The following TBC1D22A variants were observed in gnomAD, a reference collection of about 807,000 sequenced individuals.
TBC1D22A encodes the protein putative GTPase activator.
In TBC1D22A, 38 loss-of-function variants were observed where a neutral mutation model predicts 60.2. The observed-to-expected ratio is 0.63, with a 90% CI of 0.49 to 0.83. The LOEUF is 0.83. Ranked by LOEUF, TBC1D22A falls within the 40% of genes least tolerant of loss-of-function variation. The pLI is 0.00. For missense variants in TBC1D22A, 628 were observed against 701.0 expected, an observed-to-expected ratio of 0.90 and a Z score of 1.18; for synonymous variants, 302 against 281.7, an observed-to-expected ratio of 1.07 and a Z score of -0.72.
chr22:47,005,665 C>T (rs1457151456), intron 10 of TBC1D22A, among the ~76,000 whole-genome samples: 1 of 151,244 alleles, frequency 6.6e-6, no homozygotes, highest in Non-Finnish European at 1.5e-5. Context: ...CACACACACA[C>T]CCATATACAT....
chr22:47,130,947 C>T (rs1231487441), intron 12 of TBC1D22A, among the ~76,000 whole-genome samples: 1 of 152,222 alleles, frequency 6.6e-6, no homozygotes, highest in African/African-American at 2.4e-5. Flanking sequence ...ATGGCTGCAG[C>T]ATCTGCTCAG....
intron 12 of TBC1D22A, among the ~76,000 whole-genome samples, chr22:47,163,072 G>A (rs959928467): frequency 6.6e-6 from 1 of 152,242 alleles, no homozygotes; most frequent in Non-Finnish European, 1.5e-5. Context: ...TGGGCCAGGT[G>A]GGCACTGACC....
chr22:46,980,907 T>C (rs888311636), intron 9 of TBC1D22A, among the ~76,000 whole-genome samples: 2 of 152,192 alleles, frequency 1.3e-5, no homozygotes, highest in African/African-American at 4.8e-5. Context: ...AGTAGAATAA[T>C]GTGTCTCATG....
chr22:46,981,378 C>T (rs535452294), intron 9 of TBC1D22A, among the ~76,000 whole-genome samples: 111 of 151,070 alleles, frequency 7.3e-4, no homozygotes, highest in African/African-American at 2.6e-3. Context: ...GGGGTTTAGA[C>T]CCACACAGTC....
rs1458174889 is a variant in TBC1D22A at position 47,026,698 on chromosome 22, A to C, written c.1202-10373A>C. Reference sequence around the variant, plus strand: ...AATATTTAGGGAAAACACTATGATAAAATATGTAATAGGCCTGTACACTGA... The same window carrying C: ...AATATTTAGGGAAAACACTATGATACAATATGTAATAGGCCTGTACACTGA... On this transcript the variant is annotated intron_variant, in intron 10 of 12. Coordinates refer to ENST00000337137, the MANE Select transcript of TBC1D22A (RefSeq NM_014346.5). 2.0e-5 allele frequency among the ~76,000 whole-genome samples: 3 copies of C among 152,254 alleles called. No homozygotes were observed. The East Asian group carries it at 5.8e-4, about 29-fold the overall frequency.
At chr22:46,965,985 C>A (rs1387736834) in intron 8 of TBC1D22A, among the ~76,000 whole-genome samples, 1 of 152,178 alleles carries the variant, frequency 6.6e-6, no homozygotes, top group African/African-American at 2.4e-5. Context: ...GCTCCTCACA[C>A]CTCCCGCAGC....
chr22:46,780,810 C>T (rs801619), intron 1 of TBC1D22A, among the ~76,000 whole-genome samples: 7,152 of 152,270 alleles, frequency 0.047, 565 homozygotes, highest in African/African-American at 0.16. Context: ...CATAACGCAG[C>T]GTAGTCAGTA....
chr22:46,886,220 A>G (rs1173148616), intron 5 of TBC1D22A, among the ~76,000 whole-genome samples: 1 of 152,176 alleles, frequency 6.6e-6, no homozygotes, highest in Non-Finnish European at 1.5e-5. Flanking sequence ...GAATTATGTG[A>G]ATCAATACGC....
intron 8 of TBC1D22A, among the ~76,000 whole-genome samples, chr22:46,932,158 G>A (rs1428108571): frequency 1.3e-5 from 2 of 152,230 alleles, no homozygotes; most frequent in Admixed American, 6.5e-5. Context: ...GACTAGTGGC[G>A]GGTTCACCGT....
chr22:47,015,518 G>C (rs970079127), intron 10 of TBC1D22A, among the ~76,000 whole-genome samples: 1 of 152,214 alleles, frequency 6.6e-6, no homozygotes, highest in Non-Finnish European at 1.5e-5. Flanking sequence ...ACTTGATCTT[G>C]CTCTAGCTGT....
chr22:47,015,611 G>C (rs549320869), intron 10 of TBC1D22A, among the ~76,000 whole-genome samples: 1 of 152,206 alleles, frequency 6.6e-6, no homozygotes, highest in African/African-American at 2.4e-5. Flanking sequence ...TAATTGTTCT[G>C]GTTGAACACG....
chr22:46,900,140 A>G (rs6009042), intron 7 of TBC1D22A, among the ~76,000 whole-genome samples: 16,713 of 149,120 alleles, frequency 0.11, 1,559 homozygotes, highest in African/African-American at 0.26. Context: ...GGATGTTTTG[A>G]CAGCTGTGGT....
chr22:47,060,024 A>G (rs58982180), intron 11 of TBC1D22A, among the ~76,000 whole-genome samples: 5,161 of 152,212 alleles, frequency 0.034, 290 homozygotes, highest in African/African-American at 0.12. Flanking sequence ...TCCTCCTGTC[A>G]GAAGAGGACT....
intron 12 of TBC1D22A, among the ~76,000 whole-genome samples, chr22:47,145,217 C>T (rs1004991277): frequency 1.3e-5 from 2 of 152,164 alleles, no homozygotes; most frequent in African/African-American, 4.8e-5. Flanking sequence ...AAGGTTGGCC[C>T]AGGTGGATTG....
intron 12 of TBC1D22A, among the ~76,000 whole-genome samples, chr22:47,130,008 G>T (rs1240240232): frequency 1.3e-5 from 2 of 152,232 alleles, no homozygotes; most frequent in African/African-American, 4.8e-5. Context: ...ATGCCCTCGT[G>T]CCCGGCCCTT....
At chr22:47,120,776 C>G (rs983822318) in intron 12 of TBC1D22A, among the ~76,000 whole-genome samples, 1 of 152,218 alleles carries the variant, frequency 6.6e-6, no homozygotes, top group African/African-American at 2.4e-5. Context: ...CTGACCCCAG[C>G]TCACCCTTTC....
intron 8 of TBC1D22A, among the ~76,000 whole-genome samples, chr22:46,949,643 A>G (rs2072776966): frequency 6.6e-6 from 1 of 152,246 alleles, no homozygotes; most frequent in South Asian, 2.1e-4. Flanking sequence ...CCATCTGCCG[A>G]CCAGGTATCT....
chr22:46,876,637 A>G (rs142185939), intron 4 of TBC1D22A, among the ~76,000 whole-genome samples: 57 of 152,304 alleles, frequency 3.7e-4, no homozygotes, highest in African/African-American at 1.4e-3. Flanking sequence ...GAACTTCCCA[A>G]GAGCCGGGTG....
At chr22:46,950,432 G>A (rs896774311) in intron 8 of TBC1D22A, among the ~76,000 whole-genome samples, 7 of 152,168 alleles carry the variant, frequency 4.6e-5, no homozygotes, top group African/African-American at 1.7e-4. Flanking sequence ...GGGTCTTTAC[G>A]TTGTCCTCCC....
Sources: gnomAD v4.1 joint callset for allele counts (sites outside exome capture counted in the v4.1 genomes callset) on GRCh38, gnomAD v4.1.1 for gene constraint, MANE v1.5 for transcripts, NCBI Gene and HGNC (gene_info 2026-07-23, HGNC 2026-07-21) for gene names.